The following SOX6 variants were observed in gnomAD, a reference collection of about 807,000 sequenced individuals.
The protein encoded by SOX6 is transcription factor SOX-6.
Under a neutral mutation model 97.8 loss-of-function variants are expected in SOX6, and 11 were observed. That is an observed-to-expected ratio of 0.11 (90% CI 0.07 to 0.19). The LOEUF (loss-of-function observed/expected upper bound fraction) is 0.19. SOX6 is among the 10% of genes least tolerant of loss of function. SOX6 has a pLI of 1.00. For missense variants in SOX6, 810 were observed against 1,039.5 expected (o/e 0.78, Z 3.04); for synonymous variants, 360 against 371.4 (o/e 0.97, Z 0.35).
At chr11:16,185,616 T>C (rs1851453496) in intron 5 of SOX6, among the ~76,000 whole-genome samples, 3 of 152,222 alleles carry the variant, frequency 2.0e-5, no homozygotes, top group African/African-American at 7.2e-5. Context: ...TAGTTTTAAG[T>C]GTCATTTAAT....
chr11:16,432,220 T>C (rs1057012755), intron 1 of SOX6, among the ~76,000 whole-genome samples: 3 of 152,070 alleles, frequency 2.0e-5, no homozygotes, highest in Non-Finnish European at 2.9e-5. Flanking sequence ...AATTCACTTA[T>C]GACAAATATC....
At chr11:16,125,876 A>AAGGAAGGAAGGC in intron 6 of SOX6, among the ~76,000 whole-genome samples, 1 of 149,572 alleles carries the variant, frequency 6.7e-6, no homozygotes, top group Non-Finnish European at 1.5e-5. Context: ...GGAAGGAAGG[A>AAGGAAGGAAGGC]AAGTTTATTT....
At chr11:16,328,324 G>T (rs1016185691) in intron 2 of SOX6, among the ~76,000 whole-genome samples, 2 of 152,104 alleles carry the variant, frequency 1.3e-5, no homozygotes, top group Non-Finnish European at 2.9e-5. Flanking sequence ...GTATGTTCCT[G>T]GTAGTCTCTG....
At chr11:16,263,647 C>T (rs1005143043) in intron 3 of SOX6, among the ~76,000 whole-genome samples, 3 of 152,020 alleles carry the variant, frequency 2.0e-5, no homozygotes, top group African/African-American at 7.2e-5. Context: ...GTCTAAGTAA[C>T]ATAATTCATG....
Position 16,673,825 on chromosome 11 carries a change from A to G in SOX6, n.429+41005T>C, listed in dbSNP as rs531357361. Reference sequence around the variant, plus strand: ...CAAAAAAATAAAACTACAGTCCAAGATCCCTGATGAACACTGATGCAAGAA... The same window carrying G: ...CAAAAAAATAAAACTACAGTCCAAGGTCCCTGATGAACACTGATGCAAGAA... On this transcript the variant is annotated intron_variant and non_coding_transcript_variant, in intron 3 of 5. Transcript: ENST00000524520. Among the ~76,000 whole-genome samples, 7 of 152,306 alleles carry G rather than the reference A, an allele frequency of 4.6e-5. No individual in the cohort carries two copies. In the South Asian group the frequency reaches 1.4e-3, roughly 32 times the overall value.
At chr11:16,040,604 C>G (rs1855635792) in intron 12 of SOX6, among the ~76,000 whole-genome samples, 1 of 151,924 alleles carries the variant, frequency 6.6e-6, no homozygotes, top group Admixed American at 6.6e-5. Flanking sequence ...GCACATATAT[C>G]TAGATAGACT....
At chr11:16,230,470 G>C (rs543666964) in intron 4 of SOX6, among the ~76,000 whole-genome samples, 4 of 151,208 alleles carry the variant, frequency 2.6e-5, no homozygotes, top group Admixed American at 2.6e-4. Flanking sequence ...TATAACAAAA[G>C]GAAAATAGAA....
chr11:16,050,570 A>G (rs912952359), intron 10 of SOX6, among the ~76,000 whole-genome samples: 20 of 152,288 alleles, frequency 1.3e-4, no homozygotes, highest in African/African-American at 4.6e-4. Flanking sequence ...TAATTATGTT[A>G]CACATACTAT....
At chr11:16,006,778 C>T (rs1186655314) in intron 13 of SOX6, among the ~76,000 whole-genome samples, 1 of 152,036 alleles carries the variant, frequency 6.6e-6, no homozygotes, top group Non-Finnish European at 1.5e-5. Context: ...ATTACTAGCT[C>T]TTGAAGAATA....
intron 7 of SOX6, 138 bp downstream of exon 7, chr11:16,111,665 T>A: frequency 8.3e-7 from 1 of 1,198,382 alleles, no homozygotes; most frequent in Non-Finnish European, 1.2e-6. Flanking sequence ...TTCCCAATTC[T>A]AATTTTACTT....
chr11:16,408,147 T>C (rs1858724112), intron 1 of SOX6, among the ~76,000 whole-genome samples: 1 of 152,174 alleles, frequency 6.6e-6, no homozygotes, highest in Admixed American at 6.6e-5. Context: ...GCAAAGCTAA[T>C]AGGTCCATAG....
At chr11:16,263,277 G>A (rs1853959194) in intron 3 of SOX6, among the ~76,000 whole-genome samples, 1 of 151,848 alleles carries the variant, frequency 6.6e-6, no homozygotes, top group South Asian at 2.1e-4. Context: ...AAGAACCCTA[G>A]AGTTCTCCTA....
At chr11:16,526,448 A>T (rs909178260) in intron 4 of SOX6, among the ~76,000 whole-genome samples, 1 of 151,584 alleles carries the variant, frequency 6.6e-6, no homozygotes, top group Non-Finnish European at 1.5e-5. Flanking sequence ...ACACATGGAC[A>T]CAGGAAGGGG....
At chr11:16,217,499 C>T (rs10832560) in intron 4 of SOX6, among the ~76,000 whole-genome samples, 72,609 of 151,880 alleles carry the variant, frequency 0.48, 17,528 homozygotes, top group South Asian at 0.61. Flanking sequence ...AAAGTAAAAT[C>T]TTCATTTAAA....
At chr11:16,554,230 T>A (rs933668255) in intron 4 of SOX6, among the ~76,000 whole-genome samples, 1 of 152,114 alleles carries the variant, frequency 6.6e-6, no homozygotes, top group Non-Finnish European at 1.5e-5. Flanking sequence ...AACCCTTTGA[T>A]AACAGGTTTC....
chr11:15,997,795 T>G (rs189824785), intron 13 of SOX6, among the ~76,000 whole-genome samples: 227 of 152,274 alleles, frequency 1.5e-3, no homozygotes, highest in African/African-American at 5.3e-3. Context: ...CTCTCACCAT[T>G]GTTAATCAAC....
rs2133994862 is a variant in SOX6, at chr11:16,111,864, C to T, written c.837G>A (p.Leu279=). ...IPIFPHDQRT[L]AAAAAAQQGF... ...CCTGTTGGGCAGCAGCAGCTGCTGC[C>T]AGAGTCCGCTGGTCATGTGGAAAAA... Residue 279 remains leucine (L), a synonymous_variant, in exon 7 of 16, where the codon CTG becomes CTA. Transcript: ENST00000683767. The T allele has an allele frequency of 6.2e-7, 1 of 1,612,780 alleles. No individual in the cohort carries two copies. Among genetic ancestry groups the T allele is most frequent in the East Asian group, 2.2e-5 (1 of 44,856 alleles).
chr11:16,033,312 T>A (rs1855431532), intron 12 of SOX6, among the ~76,000 whole-genome samples: 1 of 152,120 alleles, frequency 6.6e-6, no homozygotes, highest in Non-Finnish European at 1.5e-5. Flanking sequence ...CATTTCCACC[T>A]CCCAAGTGAG....
At chr11:16,695,052 G>A (rs532638842) in intron 3 of SOX6, among the ~76,000 whole-genome samples, 1 of 152,068 alleles carries the variant, frequency 6.6e-6, no homozygotes, top group Non-Finnish European at 1.5e-5. Flanking sequence ...TGTGGGTTTT[G>A]GTATCCACAG....
Sources: gnomAD v4.1 joint callset for allele counts (sites outside exome capture counted in the v4.1 genomes callset) on GRCh38, gnomAD v4.1.1 for gene constraint, MANE v1.5 for transcripts, NCBI Gene and HGNC (gene_info 2026-07-23, HGNC 2026-07-21) for gene names.